Variants in MACROD2 observed in about 807,000 individuals in gnomAD.
The protein encoded by MACROD2 is mono-ADP ribosylhydrolase 2.
Under a neutral mutation model 70.4 loss-of-function variants are expected in MACROD2, and 36 were observed. The observed-to-expected ratio is 0.51, with a 90% CI of 0.39 to 0.68. The LOEUF is 0.68. Among genes scored for constraint, MACROD2 ranks in the 30% least tolerant of loss-of-function variants. MACROD2 has a pLI of 0.00. For synonymous variants in MACROD2, 172 were observed against 178.8 expected, an observed-to-expected ratio of 0.96 and a Z score of 0.30; for missense variants, 496 against 538.4, an observed-to-expected ratio of 0.92 and a Z score of 0.78.
At chr20:14,174,179 C>T (rs1286894467) in intron 3 of MACROD2, among the ~76,000 whole-genome samples, 4 of 151,936 alleles carry the variant, frequency 2.6e-5, no homozygotes, top group Non-Finnish European at 4.4e-5. Context: ...CTAGGGTTGC[C>T]GTTGGATAAG....
intron 5 of MACROD2, among the ~76,000 whole-genome samples, chr20:14,816,544 C>T (rs2072776054): frequency 6.6e-6 from 1 of 152,028 alleles, no homozygotes; most frequent in Non-Finnish European, 1.5e-5. Context: ...AAATTGATCA[C>T]ATTTCCTCAA....
rs76452687 is a variant in MACROD2, at chr20:14,885,675, T to C, written c.418+200716T>C. ...ACTAGCCACACCTTGTTATCTCCTA[T>C]TGAACCTTTGGCCCTTAGCCTTCAG... On this transcript the variant is annotated intron_variant, in intron 5 of 17. Transcript: ENST00000684519. 1.5e-3 allele frequency among the ~76,000 whole-genome samples: 222 copies of C among 152,306 alleles called. 4 individuals are homozygous for C. The East Asian group carries it at 0.022, about 15-fold the overall frequency.
At chr20:14,280,800 C>T (rs1245275615) in intron 3 of MACROD2, among the ~76,000 whole-genome samples, 1 of 152,150 alleles carries the variant, frequency 6.6e-6, no homozygotes. Flanking sequence ...ATTAGTCGAT[C>T]ATTATTTCTC....
chr20:15,953,214 G>T (rs1243415836), intron 12 of MACROD2, among the ~76,000 whole-genome samples: 2 of 152,054 alleles, frequency 1.3e-5, no homozygotes, highest in Admixed American at 1.3e-4. Context: ...GGAAAGGGGA[G>T]GGGGAAGTGG....
chr20:15,033,450 T>A (rs2075290243), intron 5 of MACROD2, among the ~76,000 whole-genome samples: 1 of 152,176 alleles, frequency 6.6e-6, no homozygotes, highest in South Asian at 2.1e-4. Context: ...AGGTGTAATT[T>A]TGTCCTGCTG....
chr20:15,873,585 G>T (rs1295098079), intron 9 of MACROD2, among the ~76,000 whole-genome samples: 1 of 151,804 alleles, frequency 6.6e-6, no homozygotes. Context: ...AATATATGTT[G>T]CAAGTGGTTT....
intron 8 of MACROD2, among the ~76,000 whole-genome samples, chr20:15,813,533 T>C (rs2063841617): frequency 6.6e-6 from 1 of 152,160 alleles, no homozygotes; most frequent in Non-Finnish European, 1.5e-5. Flanking sequence ...ATCATAGCAT[T>C]TTGGGAGCCT....
At chr20:14,363,617 G>C (rs534872425) in intron 3 of MACROD2, among the ~76,000 whole-genome samples, 1 of 151,506 alleles carries the variant, frequency 6.6e-6, no homozygotes, top group Non-Finnish European at 1.5e-5. Flanking sequence ...TCAGGATATC[G>C]AGACCATCCT....
At chr20:15,730,615 A>G (rs1184203080) in intron 8 of MACROD2, among the ~76,000 whole-genome samples, 4 of 151,724 alleles carry the variant, frequency 2.6e-5, no homozygotes, top group Non-Finnish European at 5.9e-5. Flanking sequence ...GCTGCCTTTA[A>G]CTGTTTTTCT....
chr20:15,924,173 C>T (rs565760557), intron 10 of MACROD2, among the ~76,000 whole-genome samples: 13 of 152,184 alleles, frequency 8.5e-5, no homozygotes, highest in East Asian at 1.9e-4. Context: ...TGTCTCAACA[C>T]GGAAGAAACA....
chr20:14,684,859 T>A lies in MACROD2; in HGVS notation c.318T>A (p.His106Gln), dbSNP rs1413552336. ...LGGGGVDGCIHRAAGPCLLAE... is the reference protein window; with the variant it reads ...LGGGGVDGCIQRAAGPCLLAE... ...CTCCCTTAGTGGATGGCTGTATTCA[T>A]AGAGCAGCCGGCCCCTGTTTGCTAG... is the stretch of plus-strand genomic sequence containing the variant. The change falls in exon 5 of 18, where the codon CAT becomes CAA. Residue 106 changes from histidine to glutamine, a missense_variant. Physicochemically the swap from His to Gln is conservative, Grantham distance 24. Transcript: ENST00000684519. 1.2e-6 allele frequency: 2 copies of A among 1,613,820 alleles called. No homozygotes were observed. Among genetic ancestry groups the A allele is most frequent in the Non-Finnish European group, 1.7e-6 (2 of 1,179,852 alleles).
chr20:14,481,756 C>A (rs1449430746), intron 3 of MACROD2, among the ~76,000 whole-genome samples: 2 of 152,166 alleles, frequency 1.3e-5, no homozygotes, highest in Non-Finnish European at 2.9e-5. Context: ...CAGCCCATGA[C>A]CTTGGGCAAA....
At chr20:14,764,553 G>C (rs937618414) in intron 5 of MACROD2, among the ~76,000 whole-genome samples, 3 of 152,008 alleles carry the variant, frequency 2.0e-5, no homozygotes, top group Non-Finnish European at 4.4e-5. Context: ...ATTGTGGCCC[G>C]TAAACTACCT....
intron 4 of MACROD2, among the ~76,000 whole-genome samples, chr20:14,641,076 C>T (rs1192235643): frequency 2.0e-5 from 3 of 152,224 alleles, no homozygotes; most frequent in Admixed American, 2.0e-4. Context: ...TCAAACCCTG[C>T]CACTGCTTTG....
At chr20:14,068,026 T>C (rs953962496) in intron 2 of MACROD2, among the ~76,000 whole-genome samples, 8 of 152,208 alleles carry the variant, frequency 5.3e-5, no homozygotes, top group African/African-American at 1.7e-4. Context: ...AAAACTCGAC[T>C]TTATTTTAGG....
intron 3 of MACROD2, among the ~76,000 whole-genome samples, chr20:14,159,614 GT>G (rs1332834780): frequency 6.6e-6 from 1 of 152,068 alleles, no homozygotes; most frequent in African/African-American, 2.4e-5. Flanking sequence ...AGGTCTAAGA[GT>G]TTTTTTGGTG....
chr20:14,066,115 TA>T (rs1207090053), intron 2 of MACROD2, among the ~76,000 whole-genome samples: 1 of 152,226 alleles, frequency 6.6e-6, no homozygotes. Flanking sequence ...TACTGCAGAT[TA>T]AATTACATCT....
chr20:14,730,986 C>CACAT (rs1419582182), intron 5 of MACROD2, among the ~76,000 whole-genome samples: 1 of 141,400 alleles, frequency 7.1e-6, no homozygotes, highest in Non-Finnish European at 1.5e-5. Flanking sequence ...TTAGCACACA[C>CACAT]ACACACACAC....
chr20:15,740,651 A>G (rs542098153), intron 8 of MACROD2, among the ~76,000 whole-genome samples: 1 of 152,032 alleles, frequency 6.6e-6, no homozygotes, highest in Non-Finnish European at 1.5e-5. Flanking sequence ...AGATAGGTCA[A>G]GCTTAGCATA....
Sources: allele counts gnomAD v4.1 joint callset (sites outside exome capture counted in the v4.1 genomes callset), GRCh38; gene constraint gnomAD v4.1.1; transcripts MANE v1.5; gene names NCBI Gene and HGNC (gene_info 2026-07-23, HGNC 2026-07-21).